The following RBM27 variants were observed in gnomAD, a reference collection of about 807,000 sequenced individuals.
RBM27 encodes the protein RNA-binding protein 27.
RBM27 carries 22 observed loss-of-function variants against 135.3 expected under a neutral mutation model. The observed-to-expected ratio is 0.16, with a 90% CI of 0.12 to 0.23. RBM27 has a LOEUF of 0.23. RBM27 is among the 10% of genes least tolerant of loss of function. The probability of loss-of-function intolerance (pLI) is 1.00; values close to 1 mark genes in which losing one functional copy is unlikely to be tolerated. For synonymous variants in RBM27, 481 were observed against 442.4 expected (o/e 1.09, Z -1.10); for missense variants, 1,009 against 1,281.0 (o/e 0.79, Z 3.24).
intron 1 of RBM27, among the ~76,000 whole-genome samples, chr5:146,205,936 T>C (rs1180492299): frequency 1.3e-5 from 2 of 152,108 alleles, no homozygotes; most frequent in Admixed American, 1.3e-4. Flanking sequence ...GAAGAATCGC[T>C]TGAATCCCAG....
chr5:146,212,935 G>C (rs2126688332), intron 1 of RBM27, among the ~76,000 whole-genome samples: 1 of 152,038 alleles, frequency 6.6e-6, no homozygotes, highest in South Asian at 2.1e-4. Context: ...TAAGAGAATG[G>C]TTACCTTGGC....
chr5:146,272,156 C>G (rs72806144), intron 19 of RBM27, among the ~76,000 whole-genome samples: 9,931 of 152,266 alleles, frequency 0.065, 368 homozygotes, highest in African/African-American at 0.077. Flanking sequence ...CTCATTCATT[C>G]AGTAAATATT....
At position 146,224,761 on chromosome 5, in the gene RBM27, T is replaced by C. The variant is rs561858615; in HGVS notation, c.303+1234T>C. ...TATCTAGATAAACTTTTCTTTTCGA[T>C]GGAGTTGGAGTCTCCTTATGTTGCC... On this transcript the variant is annotated intron_variant, in intron 3 of 20. Transcript: ENST00000265271. Among the ~76,000 whole-genome samples, 3 of 152,250 alleles carry C rather than the reference T, an allele frequency of 2.0e-5. 1 individual carries two copies. Among genetic ancestry groups the C allele is most frequent in the African/African-American group, 7.2e-5 (3 of 41,560 alleles).
At chr5:146,284,297 T>C (rs1193514199) in intron 19 of RBM27, among the ~76,000 whole-genome samples, 1 of 152,172 alleles carries the variant, frequency 6.6e-6, no homozygotes, top group Non-Finnish European at 1.5e-5. Context: ...GGTCAATACC[T>C]GTATTAAGAA....
chr5:146,243,102 C>T (rs1057373299), intron 8 of RBM27, among the ~76,000 whole-genome samples: 68 of 151,570 alleles, frequency 4.5e-4, no homozygotes, highest in African/African-American at 1.6e-3. Context: ...CGCATCTCTA[C>T]TAAAAATACA....
chr5:146,223,913 TAG>T (rs1756561683), intron 3 of RBM27, among the ~76,000 whole-genome samples: 1 of 152,210 alleles, frequency 6.6e-6, no homozygotes, highest in Non-Finnish European at 1.5e-5. Context: ...TTTGATTATA[TAG>T]AGTTTTAAAA....
chr5:146,247,417 T>C (rs1413470031), intron 8 of RBM27, among the ~76,000 whole-genome samples: 1 of 152,266 alleles, frequency 6.6e-6, no homozygotes, highest in African/African-American at 2.4e-5. Context: ...TTCTCAATTG[T>C]ATCATAAATG....
intron 1 of RBM27, among the ~76,000 whole-genome samples, chr5:146,205,563 A>G (rs1228926038): frequency 2.0e-5 from 3 of 151,648 alleles, no homozygotes; most frequent in Non-Finnish European, 4.4e-5. Flanking sequence ...GTTTTGTAGA[A>G]GAATATAGGT....
Position 146,254,969 on chromosome 5 carries a change from C to G in RBM27, c.1471C>G (p.Pro491Ala). 2 of 1,593,590 alleles carry G rather than the reference C, an allele frequency of 1.3e-6. No homozygotes were observed. Among genetic ancestry groups the G allele is most frequent in the Non-Finnish European group, 1.7e-6 (2 of 1,164,926 alleles). Residue 491 changes from proline (P) to alanine (A), a missense_variant, in exon 10 of 21, where the codon CCA (proline) becomes GCA (alanine). Pro to Ala is a conservative substitution (Grantham distance 27). Transcript: ENST00000265271. Reference protein sequence around the residue: ...PDTYEPDGYNPEAPSITSSGR... With the variant: ...PDTYEPDGYNAEAPSITSSGR... ...TACATATGAACCAGATGGTTACAAC[C>G]CAGAAGCTCCTAGTATTACTAGTTC...
In RBM27 at chr5:146,271,013, A is replaced by G. The variant is rs896809095; in HGVS notation, c.2751A>G (p.Glu917=). 1.9e-6 allele frequency: 3 copies of G among 1,613,614 alleles called. No individual in the cohort carries two copies. In the African/African-American group the frequency reaches 4.0e-5, roughly 22 times the overall value. Residue 917 remains glutamate, a synonymous_variant, in exon 18 of 21, where the codon GAA becomes GAG. Transcript: ENST00000265271. Reference sequence around the variant, plus strand: ...TCCACAAGAGGCTGTCCTCAGGAGAAGACACCACAGAATTACGGAAAAAAC... The same window carrying G: ...TCCACAAGAGGCTGTCCTCAGGAGAGGACACCACAGAATTACGGAAAAAAC... The part of the protein sequence containing the change: ...LDLHKRLSSG[E]DTTELRKKLS...
chr5:146,217,363 A>G (rs879732042), intron 1 of RBM27, among the ~76,000 whole-genome samples: 4 of 152,144 alleles, frequency 2.6e-5, no homozygotes, highest in Non-Finnish European at 5.9e-5. Flanking sequence ...TTTAAGCATA[A>G]AAACTAGAAG....
At chr5:146,271,290 C>T (rs1255285590) in intron 18 of RBM27, among the ~76,000 whole-genome samples, 193 bp from the exon 19 acceptor site, 1 of 151,598 alleles carries the variant, frequency 6.6e-6, no homozygotes, top group Admixed American at 6.6e-5. Flanking sequence ...ATCCCAGCTG[C>T]TTGGGAGGCT....
intron 1 of RBM27, among the ~76,000 whole-genome samples, chr5:146,213,423 G>T (rs756975636): frequency 6.6e-6 from 1 of 152,040 alleles, no homozygotes; most frequent in Non-Finnish European, 1.5e-5. Context: ...TTTAATGGCT[G>T]TTGATACACA....
rs1400498453 is a variant in RBM27, at chr5:146,229,965, A to G, written c.589+55A>G. On this transcript the variant is annotated intron_variant, in intron 5 of 20. Coordinates refer to ENST00000265271, the MANE Select transcript of RBM27 (RefSeq NM_018989.2). ...CTGTAGTTATTTATCTGTCTCTATC[A>G]CAGGGGTGCAAGAAATTCTCTTAAA... The G allele has an allele frequency of 1.5e-5, 24 of 1,582,494 alleles. No individual in the cohort carries two copies. In the South Asian group the frequency reaches 2.5e-4, roughly 16 times the overall value.
chr5:146,206,455 A>G (rs1399007307), intron 1 of RBM27, among the ~76,000 whole-genome samples: 1 of 148,386 alleles, frequency 6.7e-6, no homozygotes, highest in African/African-American at 2.5e-5. Flanking sequence ...TTATCTTTCA[A>G]AATGATTACT....
chr5:146,260,714 A>G, intron 11 of RBM27, 31 bp from the exon 12 acceptor site: 1 of 1,557,046 alleles, frequency 6.4e-7, no homozygotes, highest in Non-Finnish European at 8.7e-7. Context: ...AAGTAGGAGA[A>G]TTAACCAAGA....
chr5:146,247,846 AT>A (rs1581193929), intron 8 of RBM27, among the ~76,000 whole-genome samples: 2 of 152,180 alleles, frequency 1.3e-5, no homozygotes, highest in Non-Finnish European at 2.9e-5. Context: ...ATCCTGATCC[AT>A]TCATTTTAAA....
At chr5:146,243,557 G>C (rs1169665333) in intron 8 of RBM27, among the ~76,000 whole-genome samples, 2 of 152,126 alleles carry the variant, frequency 1.3e-5, no homozygotes, top group Non-Finnish European at 2.9e-5. Flanking sequence ...ATCTGAAACA[G>C]TTCTGGTCTC....
chr5:146,229,626 G>A, intron 4 of RBM27, 91 bp from the exon 5 acceptor site: 1 of 1,062,418 alleles, frequency 9.4e-7, no homozygotes, highest in South Asian at 1.8e-5. Context: ...ATATGCATTT[G>A]GATGACTCAA....
Sources: allele counts gnomAD v4.1 joint callset (sites outside exome capture counted in the v4.1 genomes callset), GRCh38; gene constraint gnomAD v4.1.1; transcripts MANE v1.5; gene names NCBI Gene and HGNC (gene_info 2026-07-23, HGNC 2026-07-21).